Variants in PPP2R2B observed in about 807,000 individuals in gnomAD.
PPP2R2B encodes the protein serine/threonine-protein phosphatase 2A 55 kDa regulatory subunit B beta isoform.
A neutral mutation model predicts 46.0 loss-of-function variants in PPP2R2B; 5 were observed. That is an observed-to-expected ratio of 0.11 (90% CI 0.06 to 0.23). PPP2R2B has a LOEUF of 0.23. PPP2R2B is among the 10% of genes least tolerant of loss of function. The pLI is 1.00. For synonymous variants in PPP2R2B, 215 were observed against 206.7 expected, an observed-to-expected ratio of 1.04 and a Z score of -0.34; for missense variants, 367 against 575.0, an observed-to-expected ratio of 0.64 and a Z score of 3.70.
intron 1 of PPP2R2B, among the ~76,000 whole-genome samples, chr5:146,979,851 C>T (rs1753085689): frequency 6.6e-6 from 1 of 152,130 alleles, no homozygotes; most frequent in Non-Finnish European, 1.5e-5. Flanking sequence ...CTCAAAATAT[C>T]TTATTGTACC....
intron 2 of PPP2R2B, among the ~76,000 whole-genome samples, chr5:146,784,997 C>T (rs773441305): frequency 2.0e-5 from 3 of 152,146 alleles, no homozygotes; most frequent in Non-Finnish European, 4.4e-5. Flanking sequence ...CCCAAGAGTG[C>T]ATCACACCCA....
rs1039523202 is a variant in PPP2R2B, at chr5:146,772,429, T to C, written c.71-71287A>G. ...ATATATATATATATATATATATATA[T>C]ATACTTATTTCTAAATACAGAGAGA... is the stretch of plus-strand genomic sequence containing the variant. On this transcript the variant is annotated intron_variant, in intron 2 of 9. Transcript: ENST00000394411. Among the ~76,000 whole-genome samples the C allele has an allele frequency of 6.3e-3, 636 of 100,416 alleles. 14 individuals carry two copies. The highest frequency in any genetic ancestry group is 0.021 in the African/African-American group (583 of 27,148). 65.9% of individuals were successfully genotyped at this position (100,416 alleles called of 152,430 possible).
intron 1 of PPP2R2B, among the ~76,000 whole-genome samples, chr5:146,933,937 T>C (rs1236725186): frequency 1.3e-5 from 2 of 150,900 alleles, no homozygotes; most frequent in African/African-American, 2.4e-5. Flanking sequence ...CGGTGTTTGG[T>C]TTTTTGTTCT....
intron 1 of PPP2R2B, among the ~76,000 whole-genome samples, chr5:146,936,049 G>C (rs1409221881): frequency 6.6e-6 from 1 of 152,206 alleles, no homozygotes; most frequent in East Asian, 1.9e-4. Context: ...AGCTACAGCT[G>C]TTGCTGTTAC....
At chr5:147,026,281 C>T (rs1396460580) in intron 1 of PPP2R2B, among the ~76,000 whole-genome samples, 1 of 152,080 alleles carries the variant, frequency 6.6e-6, no homozygotes, top group Non-Finnish European at 1.5e-5. Context: ...GGACACTTCT[C>T]AGCAATAAAA....
intron 1 of PPP2R2B, among the ~76,000 whole-genome samples, chr5:147,001,660 G>A (rs758026326): frequency 5.3e-5 from 8 of 152,136 alleles, no homozygotes; most frequent in African/African-American, 1.4e-4. Context: ...ATCGCCTATC[G>A]CCAAGTGGTG....
At chr5:146,759,910 T>C (rs1754056909) in intron 2 of PPP2R2B, among the ~76,000 whole-genome samples, 1 of 152,152 alleles carries the variant, frequency 6.6e-6, no homozygotes, top group African/African-American at 2.4e-5. Flanking sequence ...TGTCTTACAG[T>C]TATATGATGT....
chr5:146,806,797 A>G (rs1757204073), intron 2 of PPP2R2B, among the ~76,000 whole-genome samples: 1 of 152,232 alleles, frequency 6.6e-6, no homozygotes, highest in African/African-American at 2.4e-5. Flanking sequence ...ACATGACAGA[A>G]TGTCGTTTTG....
intron 2 of PPP2R2B, among the ~76,000 whole-genome samples, chr5:146,770,836 G>T (rs1011230606): frequency 6.6e-6 from 1 of 152,124 alleles, no homozygotes; most frequent in Admixed American, 6.5e-5. Flanking sequence ...AGCTCAATGA[G>T]GCTCAAGCAG....
At chr5:146,819,274 G>A (rs1457981058) in intron 2 of PPP2R2B, among the ~76,000 whole-genome samples, 1 of 152,184 alleles carries the variant, frequency 6.6e-6, no homozygotes, top group African/African-American at 2.4e-5. Context: ...TTCACTAACA[G>A]TTTCTCAGTG....
intron 2 of PPP2R2B, among the ~76,000 whole-genome samples, chr5:146,863,260 G>A (rs1472426455): frequency 6.6e-6 from 1 of 152,104 alleles, no homozygotes. Context: ...CTACAGAATA[G>A]GAAAAGGGAT....
chr5:146,912,977 C>T (rs969280443), intron 1 of PPP2R2B, among the ~76,000 whole-genome samples: 3 of 152,164 alleles, frequency 2.0e-5, no homozygotes, highest in Non-Finnish European at 4.4e-5. Context: ...AAGAAACTCT[C>T]ACCTAACTTG....
At chr5:146,711,620 T>C (rs1308289454) in intron 2 of PPP2R2B, among the ~76,000 whole-genome samples, 1 of 152,002 alleles carries the variant, frequency 6.6e-6, no homozygotes, top group African/African-American at 2.4e-5. Flanking sequence ...GGAGAGGGCA[T>C]GGAGGTGGTA....
chr5:146,602,980 C>A (rs1290470323), intron 7 of PPP2R2B, among the ~76,000 whole-genome samples: 1 of 152,180 alleles, frequency 6.6e-6, no homozygotes, highest in East Asian at 1.9e-4. Context: ...AAGTAAAACA[C>A]CTGATCCAGA....
intron 8 of PPP2R2B, among the ~76,000 whole-genome samples, chr5:146,596,475 CAG>C (rs1403355340): frequency 1.3e-5 from 2 of 152,180 alleles, no homozygotes; most frequent in South Asian, 2.1e-4. Flanking sequence ...CTCACTGAAT[CAG>C]AGTTTGTTTA....
chr5:146,762,482 T>A (rs1360460551), intron 2 of PPP2R2B, among the ~76,000 whole-genome samples: 4 of 152,244 alleles, frequency 2.6e-5, no homozygotes, highest in African/African-American at 9.6e-5. Flanking sequence ...CACTACTCTT[T>A]CTATTCAAGG....
chr5:146,846,933 AT>A (rs1760047225), intron 2 of PPP2R2B, among the ~76,000 whole-genome samples: 1 of 152,212 alleles, frequency 6.6e-6, no homozygotes, highest in South Asian at 2.1e-4. Context: ...TTCTTATGTT[AT>A]TCTACAGTAT....
chr5:146,620,645 C>T (rs547979640), intron 7 of PPP2R2B, among the ~76,000 whole-genome samples: 27 of 152,222 alleles, frequency 1.8e-4, no homozygotes, highest in Non-Finnish European at 2.6e-4. Flanking sequence ...CAGTGGGCTC[C>T]GGGAACCCAA....
intron 1 of PPP2R2B, among the ~76,000 whole-genome samples, chr5:146,963,254 C>T (rs1294507099): frequency 2.0e-5 from 3 of 152,152 alleles, no homozygotes; most frequent in African/African-American, 7.2e-5. Flanking sequence ...TTGCTGTCTT[C>T]ATGGAGGTTT....
Sources: gnomAD v4.1 joint callset for allele counts (sites outside exome capture counted in the v4.1 genomes callset) on GRCh38, gnomAD v4.1.1 for gene constraint, MANE v1.5 for transcripts, NCBI Gene and HGNC (gene_info 2026-07-23, HGNC 2026-07-21) for gene names.